ACTN4: variants seen among roughly 807,000 people sequenced by gnomAD.
ACTN4 encodes the protein actinin alpha 4, also known as alpha-actinin-4.
Under a neutral mutation model 114.2 loss-of-function variants are expected in ACTN4, and 18 were observed. The ratio of observed to expected loss-of-function variants is 0.16; its 90% confidence interval spans 0.11 to 0.23. The LOEUF (loss-of-function observed/expected upper bound fraction) is 0.23, where lower values mean the gene tolerates loss of function less well. Ranked by LOEUF, ACTN4 falls within the 10% of genes least tolerant of loss-of-function variation. ACTN4 has a pLI of 1.00. For missense variants in ACTN4, 722 were observed against 1,262.9 expected, an observed-to-expected ratio of 0.57 and a Z score of 6.49; for synonymous variants, 515 against 506.3, an observed-to-expected ratio of 1.02 and a Z score of -0.23.
In ACTN4 at chr19:38,729,167, C is replaced by G; in HGVS notation, c.2577+13C>G. ...AGCAGGGGACAAGGTGAGCGAGACCCCTACGAGGTGCATGGGGGCTGGCGA... is the reference window on the plus strand; with the variant it reads ...AGCAGGGGACAAGGTGAGCGAGACCGCTACGAGGTGCATGGGGGCTGGCGA... On this transcript the variant is annotated intron_variant, in intron 20 of 20. Transcript: ENST00000252699. 7 of 1,612,894 alleles carry G rather than the reference C, an allele frequency of 4.3e-6. No individual in the cohort carries two copies. The highest frequency in any genetic ancestry group is 5.9e-6 in the Non-Finnish European group (7 of 1,179,984).
chr19:38,711,458 C>A, intron 8 of ACTN4: 1 of 595,282 alleles, frequency 1.7e-6, no homozygotes, highest in Non-Finnish European at 2.1e-6. Flanking sequence ...GGAGCCCTGG[C>A]CAGGCCGTGG....
chr19:38,731,025 T>TGTGCAGAGAG lies in ACTN4; in HGVS notation c.*1595_*1604dup. On this transcript the variant is annotated 3_prime_UTR_variant, in exon 21 of 21. Transcript: ENST00000252699. ...CATCCAGGTGCTGGCTGCAGTGGCC[T>TGTGCAGAGAG]GTGCAGAGAGGGGCAGGGTGAGTGC... 21 of 1,554,952 alleles carry TGTGCAGAGAG rather than the reference T, an allele frequency of 1.4e-5. No homozygotes were observed. Among genetic ancestry groups the TGTGCAGAGAG allele is most frequent in the Non-Finnish European group, 1.8e-5 (21 of 1,149,598 alleles).
chr19:38,699,476 T>C (rs1968197919), intron 1 of ACTN4, among the ~76,000 whole-genome samples: 1 of 152,002 alleles, frequency 6.6e-6, no homozygotes, highest in Non-Finnish European at 1.5e-5. Context: ...AGGATAGGGC[T>C]GGGTGTGGTG....
At chr19:38,689,081 G>A (rs1967838436) in intron 1 of ACTN4, among the ~76,000 whole-genome samples, 1 of 151,874 alleles carries the variant, frequency 6.6e-6, no homozygotes, top group South Asian at 2.1e-4. Context: ...TTTACTCCTA[G>A]GTATATGCCC....
intron 1 of ACTN4, 107 bp downstream of exon 1, chr19:38,648,014 G>C (rs969460613): frequency 7.7e-7 from 1 of 1,291,976 alleles, no homozygotes; most frequent in Non-Finnish European, 1.0e-6. Flanking sequence ...GGGAACGGGG[G>C]GGTCCCGAGA....
At chr19:38,709,034 G>A (rs1039590781) in intron 6 of ACTN4, among the ~76,000 whole-genome samples, 6 of 152,198 alleles carry the variant, frequency 3.9e-5, no homozygotes, top group African/African-American at 1.4e-4. Flanking sequence ...CCAGTCCCCA[G>A]TGCTCTCTCA....
chr19:38,674,477 C>T (rs965815768), intron 1 of ACTN4, among the ~76,000 whole-genome samples: 2 of 152,148 alleles, frequency 1.3e-5, no homozygotes, highest in South Asian at 2.1e-4. Context: ...ACTTCCCAGC[C>T]GAGTGGAATG....
At chr19:38,657,935 A>G (rs1976760442) in intron 1 of ACTN4, among the ~76,000 whole-genome samples, 1 of 152,216 alleles carries the variant, frequency 6.6e-6, no homozygotes. Context: ...ATCAATCTCC[A>G]TCTGGGTGTG....
chr19:38,723,799 A>G, intron 13 of ACTN4, 77 bp downstream of exon 13: 2 of 1,465,396 alleles, frequency 1.4e-6, no homozygotes, highest in South Asian at 2.4e-5. Flanking sequence ...TAGTGTCCAG[A>G]CCTGTGAGCT....
intron 3 of ACTN4, 25 bp downstream of exon 3, chr19:38,701,146 G>T (rs1968261049): frequency 6.2e-7 from 1 of 1,613,308 alleles, no homozygotes; most frequent in Non-Finnish European, 8.5e-7. Flanking sequence ...GGGCAGCGAG[G>T]GTCCTGCTCG....
At chr19:38,664,230 T>C (rs1404097526) in intron 1 of ACTN4, among the ~76,000 whole-genome samples, 5 of 152,152 alleles carry the variant, frequency 3.3e-5, no homozygotes, top group Admixed American at 6.5e-5. Flanking sequence ...ATAACTGCCT[T>C]AGTGCTGCTT....
At chr19:38,704,590 T>C (rs1310117921) in intron 3 of ACTN4, among the ~76,000 whole-genome samples, 2 of 151,726 alleles carry the variant, frequency 1.3e-5, no homozygotes, top group African/African-American at 4.8e-5. Flanking sequence ...GCACTGAGAG[T>C]TGAGAGAGGT....
chr19:38,721,483 A>C, intron 11 of ACTN4, 55 bp from the exon 12 acceptor site: 1 of 1,608,316 alleles, frequency 6.2e-7, no homozygotes, highest in Non-Finnish European at 8.5e-7. Flanking sequence ...GCCCCTCCAG[A>C]CTCCTGCCCC....
At chr19:38,666,282 C>T (rs920349881) in intron 1 of ACTN4, among the ~76,000 whole-genome samples, 7 of 152,110 alleles carry the variant, frequency 4.6e-5, no homozygotes, top group African/African-American at 1.4e-4. Flanking sequence ...GGAGAATGTC[C>T]GCCTCCCAGC....
chr19:38,664,085 G>A (rs1976976854), intron 1 of ACTN4, among the ~76,000 whole-genome samples: 1 of 152,166 alleles, frequency 6.6e-6, no homozygotes, highest in African/African-American at 2.4e-5. Context: ...AGTGGGATCG[G>A]CTCCCAGTCT....
intron 1 of ACTN4, among the ~76,000 whole-genome samples, chr19:38,684,733 A>G (rs1967687984): frequency 6.6e-6 from 1 of 151,982 alleles, no homozygotes; most frequent in Non-Finnish European, 1.5e-5. Flanking sequence ...CTTTGGCTAT[A>G]GAATCCTATT....
In ACTN4 at chr19:38,654,927, G is replaced by A. The variant is rs187074958; in HGVS notation, c.162+7020G>A. Among the ~76,000 whole-genome samples, 756 of 152,278 alleles carry A rather than the reference G, an allele frequency of 5.0e-3. 7 individuals are homozygous for A. The highest frequency in any genetic ancestry group is 9.3e-3 in the Non-Finnish European group (636 of 68,026). ...CAAGTGTTATCTGAAGGCGAGTGGA[G>A]TGAGTTTACGTGGGATTTGCTGTTT... is the stretch of plus-strand genomic sequence containing the variant. On this transcript the variant is annotated intron_variant, in intron 1 of 20. Coordinates refer to ENST00000252699, the MANE Select transcript of ACTN4 (RefSeq NM_004924.6).
chr19:38,719,250 C>T (rs1180329883), intron 11 of ACTN4, among the ~76,000 whole-genome samples: 1 of 152,240 alleles, frequency 6.6e-6, no homozygotes, highest in Non-Finnish European at 1.5e-5. Flanking sequence ...CTCTCCCACT[C>T]TGGCCACCAC....
intron 1 of ACTN4, among the ~76,000 whole-genome samples, chr19:38,668,889 G>A (rs1967046515): frequency 6.6e-6 from 1 of 152,114 alleles, no homozygotes; most frequent in Non-Finnish European, 1.5e-5. Context: ...GGTGTTCAGA[G>A]CTGCCTCCCT....
Sources: allele counts gnomAD v4.1 joint callset (sites outside exome capture counted in the v4.1 genomes callset), GRCh38; gene constraint gnomAD v4.1.1; transcripts MANE v1.5; gene names NCBI Gene and HGNC (gene_info 2026-07-23, HGNC 2026-07-21).